The following ENPP1 variants were observed in gnomAD, a reference collection of about 807,000 sequenced individuals.
The protein encoded by ENPP1 is ectonucleotide pyrophosphatase/phosphodiesterase family member 1.
Under a neutral mutation model 122.8 loss-of-function variants are expected in ENPP1, and 73 were observed. The ratio of observed to expected loss-of-function variants is 0.59; its 90% confidence interval spans 0.49 to 0.72. The LOEUF (loss-of-function observed/expected upper bound fraction) is 0.72. Among genes scored for constraint, ENPP1 ranks in the 30% least tolerant of loss-of-function variants. ENPP1 has a pLI of 0.00. For missense variants in ENPP1, 978 were observed against 1,128.1 expected (o/e 0.87, Z 1.91); for synonymous variants, 367 against 391.6 (o/e 0.94, Z 0.74).
Position 131,864,486 on chromosome 6 carries a change from T to C in ENPP1, c.1026-20T>C, listed in dbSNP as rs1782062997. ...AACAATTGTCAGCCATCTTTTATTT[T>C]TGTTTGTTCTTCATTTTAGTTCAGT... On this transcript the variant is annotated intron_variant, in intron 9 of 24. Transcript: ENST00000647893. The C allele has an allele frequency of 1.9e-6, 3 of 1,539,840 alleles. No individual in the cohort carries two copies. The highest frequency in any genetic ancestry group is 3.3e-5 in the Admixed American group (2 of 59,818).
intron 1 of ENPP1, among the ~76,000 whole-genome samples, chr6:131,817,935 A>G (rs1232999047): frequency 2.6e-5 from 4 of 152,144 alleles, no homozygotes; most frequent in Non-Finnish European, 2.9e-5. Flanking sequence ...AGGACTTTGC[A>G]CAGACTTAGC....
chr6:131,894,731 G>A lies in ENPP1; in HGVS notation c.*4220G>A, dbSNP rs978657847. On this transcript the variant is annotated 3_prime_UTR_variant, in exon 25 of 25. Coordinates refer to ENST00000647893, the MANE Select transcript of ENPP1 (RefSeq NM_006208.3). ...AGGCAGCTGCTCATTTCCAGCAGGG[G>A]AAGTAGCTGCATAGAGTACAAGGAC... 1 of 152,186 alleles carries A rather than the reference G, an allele frequency of 6.6e-6. No homozygotes were observed. The highest frequency in any genetic ancestry group is 6.5e-5 in the Admixed American group (1 of 15,280). The allele number at this position is 152,186 out of a possible 1,614,324, so 9.4% of individuals were successfully genotyped here. A position where few individuals can be genotyped will look rare whatever the true frequency, so the allele number is the denominator to read the frequency against.
At chr6:131,879,843 CA>C (rs764286398) in intron 19 of ENPP1, 36 bp from the exon 20 acceptor site, 1 of 1,574,032 alleles carries the variant, frequency 6.4e-7, no homozygotes, top group South Asian at 1.1e-5. Flanking sequence ...TCATATAATG[CA>C]CACTAACTAC....
rs118110050 is a variant in ENPP1 at position 131,845,576 on chromosome 6, C to T, written c.241-2200C>T. ...GGTTCAAGCGATTCTCCTGTCTAAG[C>T]GCCCCCGAGCAGCAGGGATTATAGG... On this transcript the variant is annotated intron_variant, in intron 1 of 24. Coordinates refer to ENST00000647893, the MANE Select transcript of ENPP1 (RefSeq NM_006208.3). 8.4e-4 allele frequency among the ~76,000 whole-genome samples: 127 copies of T among 151,194 alleles called. 3 individuals are homozygous for T. In the East Asian group the frequency reaches 0.022, roughly 26 times the overall value.
At chr6:131,854,470 A>G (rs576467705) in intron 5 of ENPP1, among the ~76,000 whole-genome samples, 1 of 152,268 alleles carries the variant, frequency 6.6e-6, no homozygotes, top group East Asian at 1.9e-4. Context: ...TATATACTAT[A>G]TGAAGTACTA....
chr6:131,850,767 C>G (rs1371971272), intron 3 of ENPP1, among the ~76,000 whole-genome samples: 1 of 152,108 alleles, frequency 6.6e-6, no homozygotes, highest in Non-Finnish European at 1.5e-5. Flanking sequence ...TGAGGTCTCA[C>G]TACATTGCCC....
intron 1 of ENPP1, 26 bp downstream of exon 1, chr6:131,808,301 C>T: frequency 6.7e-7 from 1 of 1,486,068 alleles, no homozygotes. Flanking sequence ...GGCCCCGGCG[C>T]CCGGGAGGGC....
intron 6 of ENPP1, among the ~76,000 whole-genome samples, chr6:131,856,437 G>C (rs1781946672): frequency 6.7e-6 from 1 of 150,126 alleles, no homozygotes; most frequent in South Asian, 2.1e-4. Context: ...CATTTTGTAG[G>C]TTACCTGTTC....
In ENPP1 at chr6:131,860,260, C is replaced by CT. The variant is rs1192437231; in HGVS notation, c.796-124dup. 36 of 750,266 alleles carry CT rather than the reference C, an allele frequency of 4.8e-5. No individual in the cohort carries two copies. In the Admixed American group the frequency reaches 8.5e-4, roughly 18 times the overall value. 46.5% of individuals were successfully genotyped at this position (750,266 alleles called of 1,614,324 possible). A position where few individuals can be genotyped will look rare whatever the true frequency, so the allele number is the denominator to read the frequency against. The stretch of plus-strand genomic sequence containing the variant: ...GCCATTACCTGATTTTTTTGTTTTT[C>CT]TTTCCTTAAACTTATTATAATTCCA... On this transcript the variant is annotated intron_variant, in intron 7 of 24. Coordinates refer to ENST00000647893, the MANE Select transcript of ENPP1 (RefSeq NM_006208.3).
chr6:131,842,024 G>T (rs201064371), intron 1 of ENPP1, among the ~76,000 whole-genome samples: 2 of 151,970 alleles, frequency 1.3e-5, no homozygotes, highest in African/African-American at 4.8e-5. Context: ...TTTCCCTCCA[G>T]CCCCTTCCCT....
rs541445402 is a variant in ENPP1 at position 131,859,298 on chromosome 6, G to A, written c.795+551G>A. ...TTGATCCAAGCTACTCTGGGACCTC[G>A]CCAAAAAAGGAATTTGTTCTGCAGA... On this transcript the variant is annotated intron_variant, in intron 7 of 24. Coordinates refer to ENST00000647893, the MANE Select transcript of ENPP1 (RefSeq NM_006208.3). Among the ~76,000 whole-genome samples, 78 of 152,004 alleles carry A rather than the reference G, an allele frequency of 5.1e-4. 1 individual carries two copies. The highest frequency in any genetic ancestry group is 1.8e-3 in the African/African-American group (74 of 41,490).
rs34545497 is a variant in ENPP1 at position 131,891,748 on chromosome 6, C to CTTTTT, written c.*1252_*1256dup. ...AATTATTTAATAATTTAGGAAGTTG[C>CTTTTT]TTTTTTTTTTTTTTTTTTTCAGTCC... On this transcript the variant is annotated 3_prime_UTR_variant, in exon 25 of 25. Transcript: ENST00000647893. The CTTTTT allele has an allele frequency of 8.7e-5, 7 of 80,056 alleles. No homozygotes were observed. Among genetic ancestry groups the CTTTTT allele is most frequent in the Non-Finnish European group, 1.7e-4 (7 of 42,350 alleles). 5.0% of individuals were successfully genotyped at this position (80,056 alleles called of 1,614,324 possible).
At chr6:131,821,656 C>G (rs189281320) in intron 1 of ENPP1, among the ~76,000 whole-genome samples, 1 of 152,164 alleles carries the variant, frequency 6.6e-6, no homozygotes, top group African/African-American at 2.4e-5. Context: ...TTGCCCTTAG[C>G]GTTGCCAATC....
rs1484381542 is a variant in ENPP1 at position 131,868,245 on chromosome 6, A to G, written c.1273+119A>G. ...TTCTTTTTTAAAAATGTAGTTTCTTATGGACAGTCTTTAGGAAAAAAATAC... is the reference window on the plus strand; with the variant it reads ...TTCTTTTTTAAAAATGTAGTTTCTTGTGGACAGTCTTTAGGAAAAAAATAC... On this transcript the variant is annotated intron_variant, in intron 12 of 24. Transcript: ENST00000647893. The G allele has an allele frequency of 5.4e-6, 4 of 736,338 alleles. No homozygotes were observed. In the Admixed American group the frequency reaches 6.3e-5, roughly 12 times the overall value. 45.6% of individuals were successfully genotyped at this position (736,338 alleles called of 1,614,324 possible). A position where few individuals can be genotyped will look rare whatever the true frequency, so the allele number is the denominator to read the frequency against.
At chr6:131,865,413 G>A (rs1782076200) in intron 11 of ENPP1, among the ~76,000 whole-genome samples, 1 of 152,166 alleles carries the variant, frequency 6.6e-6, no homozygotes, top group Non-Finnish European at 1.5e-5. Context: ...CAAAAGTGTA[G>A]CGATATTTGA....
At chr6:131,845,451 GTT>G (rs34638422) in intron 1 of ENPP1, among the ~76,000 whole-genome samples, 23,824 of 133,086 alleles carry the variant, frequency 0.18, 2,825 homozygotes, top group African/African-American at 0.37. Context: ...GTTTTGGCTT[GTT>G]TTTTTTTTTT....
At position 131,894,442 on chromosome 6, in the gene ENPP1, C is replaced by T. The variant is rs1782520344; in HGVS notation, c.*3931C>T. Reference sequence around the variant, plus strand: ...CTGGGATTATAGGCGCATGCCACACCTGGCTTTTTGTATTTTAGTGGAGAT... The same window carrying T: ...CTGGGATTATAGGCGCATGCCACACTTGGCTTTTTGTATTTTAGTGGAGAT... On this transcript the variant is annotated 3_prime_UTR_variant, in exon 25 of 25. Transcript: ENST00000647893. The T allele has an allele frequency of 1.3e-5, 2 of 152,170 alleles. No individual in the cohort carries two copies. The highest frequency in any genetic ancestry group is 2.9e-5 in the Non-Finnish European group (2 of 68,114). The allele number at this position is 152,170 out of a possible 1,614,324, so 9.4% of individuals were successfully genotyped here. A position where few individuals can be genotyped will look rare whatever the true frequency, so the allele number is the denominator to read the frequency against.
intron 1 of ENPP1, among the ~76,000 whole-genome samples, chr6:131,808,556 C>A (rs1424615600): frequency 2.6e-5 from 4 of 152,206 alleles, no homozygotes; most frequent in Non-Finnish European, 5.9e-5. Context: ...AAATACTCGA[C>A]CCCCTGCCCC....
chr6:131,859,670 G>A (rs1015114571), intron 7 of ENPP1, among the ~76,000 whole-genome samples: 3 of 152,110 alleles, frequency 2.0e-5, no homozygotes, highest in African/African-American at 7.2e-5. Context: ...AGGGGTCAGG[G>A]GGTACCTTGC....
Sources: allele counts gnomAD v4.1 joint callset (sites outside exome capture counted in the v4.1 genomes callset), GRCh38; gene constraint gnomAD v4.1.1; transcripts MANE v1.5; gene names NCBI Gene and HGNC (gene_info 2026-07-23, HGNC 2026-07-21).